INPP5A: variants seen among roughly 807,000 people sequenced by gnomAD.
The protein encoded by INPP5A is inositol polyphosphate-5-phosphatase A.
A neutral mutation model predicts 65.2 loss-of-function variants in INPP5A; 14 were observed. That is an observed-to-expected ratio of 0.21 (90% CI 0.14 to 0.34). The LOEUF (loss-of-function observed/expected upper bound fraction) is 0.34, where lower values mean the gene tolerates loss of function less well. Ranked by LOEUF, INPP5A falls within the 10% of genes least tolerant of loss-of-function variation. The pLI, the probability that INPP5A is intolerant of heterozygous loss-of-function variation, is 1.00. For synonymous variants in INPP5A, 207 were observed against 208.3 expected, an observed-to-expected ratio of 0.99 and a Z score of 0.05; for missense variants, 431 against 545.6, an observed-to-expected ratio of 0.79 and a Z score of 2.09.
At chr10:132,684,047 T>C (rs1292425766) in intron 4 of INPP5A, among the ~76,000 whole-genome samples, 2 of 152,256 alleles carry the variant, frequency 1.3e-5, no homozygotes, top group African/African-American at 4.8e-5. Context: ...TGAATTATTA[T>C]GTAGCATTCA....
In INPP5A at chr10:132,538,353, C is replaced by T. The variant is rs1055501525; in HGVS notation, c.75+182C>T. Among the ~76,000 whole-genome samples, 5 of 152,090 alleles carry T rather than the reference C, an allele frequency of 3.3e-5. No homozygotes were observed. Among genetic ancestry groups the T allele is most frequent in the Non-Finnish European group, 7.4e-5 (5 of 68,002 alleles). On this transcript the variant is annotated intron_variant, in intron 1 of 15. Transcript: ENST00000368594. This position sits in a 1 kb window ranked among gnomAD's most constrained non-coding sequence, Gnocchi z 4.1. The stretch of plus-strand genomic sequence containing the variant: ...GATTCCCAAGTCTGGGAGCCCAGAC[C>T]CCTGTCTTGATCCCCAAGCCCGAGA...
chr10:132,764,854 G>A, intron 11 of INPP5A, among the ~76,000 whole-genome samples: 1 of 141,772 alleles, frequency 7.1e-6, no homozygotes, highest in South Asian at 2.3e-4. Flanking sequence ...ACACGGCCGG[G>A]TCAGTCCTGC....
chr10:132,754,801 C>A (rs915420815), intron 11 of INPP5A, among the ~76,000 whole-genome samples: 1 of 152,248 alleles, frequency 6.6e-6, no homozygotes, highest in South Asian at 2.1e-4. Context: ...GCTCCTTCTT[C>A]CTGGAGTTTT....
intron 11 of INPP5A, among the ~76,000 whole-genome samples, chr10:132,760,749 C>T (rs368402484): frequency 9.9e-5 from 15 of 152,186 alleles, no homozygotes; most frequent in African/African-American, 3.1e-4. Flanking sequence ...GGCAGGAGGA[C>T]GCTCGGTTTC....
chr10:132,775,511 A>G (rs1342664449), intron 12 of INPP5A, among the ~76,000 whole-genome samples: 1 of 152,096 alleles, frequency 6.6e-6, no homozygotes, highest in East Asian at 1.9e-4. Context: ...CCCCAGACCC[A>G]GCTGGAACCA....
chr10:132,683,460 A>G (rs1440375320), intron 4 of INPP5A, among the ~76,000 whole-genome samples: 3 of 152,162 alleles, frequency 2.0e-5, no homozygotes, highest in Non-Finnish European at 4.4e-5. Flanking sequence ...ATATATATGC[A>G]CGCATGTTTA....
At chr10:132,593,650 A>G (rs2071646965) in intron 1 of INPP5A, among the ~76,000 whole-genome samples, 1 of 152,180 alleles carries the variant, frequency 6.6e-6, no homozygotes, top group African/African-American at 2.4e-5. Flanking sequence ...TCTGTTGACA[A>G]GTTCACTCTA....
At position 132,743,352 on chromosome 10, in the gene INPP5A, G is replaced by C. The variant is rs191874348; in HGVS notation, c.733-6165G>C. Among the ~76,000 whole-genome samples, 495 of 140,408 alleles carry C rather than the reference G, an allele frequency of 3.5e-3. 3 individuals carry two copies. Among genetic ancestry groups the C allele is most frequent in the African/African-American group, 0.013 (475 of 35,744 alleles). The allele number at this position is 140,408 out of a possible 152,430, so 92.1% of individuals were successfully genotyped here. The stretch of plus-strand genomic sequence containing the variant: ...CCCAGCAGGGACCGGGCCCGGGAGT[G>C]AGGGCGAGCCCACCCACCAGCGCTG... On this transcript the variant is annotated intron_variant, in intron 9 of 15. Coordinates refer to ENST00000368594, the MANE Select transcript of INPP5A (RefSeq NM_005539.5).
intron 1 of INPP5A, among the ~76,000 whole-genome samples, chr10:132,596,908 TGTGTGC>T: frequency 1.6e-5 from 1 of 62,382 alleles, no homozygotes; most frequent in East Asian, 9.9e-4. Flanking sequence ...CTCCTGTGCA[TGTGTGC>T]ATGTGTGCGC....
chr10:132,607,804 G>A (rs1009655834), intron 1 of INPP5A, 111 bp from the exon 2 acceptor site: 23 of 1,100,056 alleles, frequency 2.1e-5, no homozygotes, highest in Non-Finnish European at 1.5e-5. Flanking sequence ...GGGTGGGCCC[G>A]GGCTGCGCCT....
At chr10:132,742,362 C>T (rs751336728) in intron 9 of INPP5A, among the ~76,000 whole-genome samples, 13 of 152,250 alleles carry the variant, frequency 8.5e-5, no homozygotes, top group South Asian at 2.1e-4. Context: ...GGCGACACCA[C>T]GCCTTGTCCT....
intron 5 of INPP5A, among the ~76,000 whole-genome samples, chr10:132,691,827 G>C (rs889893224): frequency 1.4e-5 from 2 of 147,632 alleles, no homozygotes; most frequent in Non-Finnish European, 3.1e-5. Context: ...CGCGGGAGAC[G>C]TGTGGTCGCG....
intron 1 of INPP5A, among the ~76,000 whole-genome samples, chr10:132,583,568 C>G (rs1234710423): frequency 1.3e-5 from 2 of 152,028 alleles, no homozygotes; most frequent in Non-Finnish European, 2.9e-5. Flanking sequence ...AAAAAATGTC[C>G]TTTATCAAAG....
Position 132,650,221 on chromosome 10 carries a change from C to T in INPP5A, c.219-197C>T, listed in dbSNP as rs1299675288. On this transcript the variant is annotated intron_variant, in intron 3 of 15. Transcript: ENST00000368594. This position sits in a 1 kb window ranked among gnomAD's most constrained non-coding sequence, Gnocchi z 5.5. The stretch of plus-strand genomic sequence containing the variant: ...ACCAGAGCCTGTGGGAGCTTGAGCT[C>T]TGCACATGCTGAGAGCTGAACGTGA... Among the ~76,000 whole-genome samples the T allele has an allele frequency of 2.6e-5, 4 of 152,204 alleles. No individual in the cohort carries two copies. The highest frequency in any genetic ancestry group is 9.6e-5 in the African/African-American group (4 of 41,454).
In INPP5A at chr10:132,549,830, C is replaced by T. The variant is rs1335260422; in HGVS notation, c.75+11659C>T. 1.3e-5 allele frequency among the ~76,000 whole-genome samples: 2 copies of T among 152,242 alleles called. No individual in the cohort carries two copies. The highest frequency in any genetic ancestry group is 6.5e-5 in the Admixed American group (1 of 15,284). Reference sequence around the variant, plus strand: ...CTCTGTTACAGGATTGGTGTGACGTCTGAGTCACTGTGCCTTAGAGTACGG... The same window carrying T: ...CTCTGTTACAGGATTGGTGTGACGTTTGAGTCACTGTGCCTTAGAGTACGG... On this transcript the variant is annotated intron_variant, in intron 1 of 15. Transcript: ENST00000368594. This position sits in a 1 kb window ranked among gnomAD's most constrained non-coding sequence, Gnocchi z 4.9.
At chr10:132,628,783 C>G (rs1279602008) in intron 2 of INPP5A, among the ~76,000 whole-genome samples, 1 of 152,226 alleles carries the variant, frequency 6.6e-6, no homozygotes, top group East Asian at 1.9e-4. Flanking sequence ...CTCTTAGAAT[C>G]TAGCCCAGCC....
At chr10:132,672,810 C>T (rs1037776027) in intron 4 of INPP5A, among the ~76,000 whole-genome samples, 5 of 152,206 alleles carry the variant, frequency 3.3e-5, no homozygotes, top group East Asian at 1.9e-4. Flanking sequence ...ACGCCTTCCA[C>T]GCCCCACCCC....
intron 1 of INPP5A, among the ~76,000 whole-genome samples, chr10:132,600,430 G>T (rs1031483667): frequency 1.3e-5 from 2 of 152,186 alleles, no homozygotes; most frequent in Non-Finnish European, 2.9e-5. Context: ...GACCACCTCA[G>T]CCTGGATTTT....
intron 11 of INPP5A, among the ~76,000 whole-genome samples, chr10:132,755,858 G>A (rs1469961152): frequency 6.6e-6 from 1 of 152,176 alleles, no homozygotes; most frequent in Non-Finnish European, 1.5e-5. Context: ...AGACTGGGGA[G>A]TGTTCAGTGG....
Sources: allele counts gnomAD v4.1 joint callset (sites outside exome capture counted in the v4.1 genomes callset), GRCh38; gene constraint gnomAD v4.1.1; non-coding constraint Gnocchi (gnomAD v3.1); transcripts MANE v1.5; gene names NCBI Gene and HGNC (gene_info 2026-07-23, HGNC 2026-07-21).